TBXA2R: variants seen among roughly 807,000 people sequenced by gnomAD.
TBXA2R encodes the protein thromboxane A2 receptor, also known as prostanoid TP receptor.
Under a neutral mutation model 15.6 loss-of-function variants are expected in TBXA2R, and 15 were observed. That is an observed-to-expected ratio of 0.96 (90% CI 0.64 to 1.48). TBXA2R has a LOEUF of 1.48. Ranked by LOEUF, TBXA2R falls within the 40% of genes most tolerant of loss-of-function variation. The pLI is 0.00. For synonymous variants in TBXA2R, 280 were observed against 241.2 expected (o/e 1.16, Z -1.49); for missense variants, 506 against 491.4 (o/e 1.03, Z -0.28).
At position 3,600,647 on chromosome 19, in the gene TBXA2R, C is replaced by CT. The variant is rs760216170; in HGVS notation, c.-14dup. 1.8e-5 allele frequency: 29 copies of CT among 1,610,924 alleles called. No homozygotes were observed. The highest frequency in any genetic ancestry group is 2.4e-5 in the Non-Finnish European group (28 of 1,179,174). On this transcript the variant is annotated 5_prime_UTR_variant, in exon 2 of 3. Transcript: ENST00000375190. ...CGTTGGGCCACATGGCTCCGGAGCC[C>CT]TGAGGGATCAGTCACCACCCCATCA... is the stretch of plus-strand genomic sequence containing the variant.
intron 2 of TBXA2R, among the ~76,000 whole-genome samples, chr19:3,596,210 G>A (rs903947073): frequency 5.9e-5 from 9 of 151,900 alleles, no homozygotes; most frequent in Non-Finnish European, 8.8e-5. Flanking sequence ...TGTATTTTTC[G>A]TAGAGATGGG....
intron 1 of TBXA2R, among the ~76,000 whole-genome samples, chr19:3,604,766 C>T (rs1337132558): frequency 6.6e-6 from 1 of 152,218 alleles, no homozygotes; most frequent in Non-Finnish European, 1.5e-5. Flanking sequence ...CTCTGCAGGG[C>T]TCCTGGCTGT....
chr19:3,595,098 GC>G lies in TBXA2R; in HGVS notation c.*589del. ...CCGTCTAAAAAAAAAAAAAAAAATG[GC>G]CAGGTGTGGTGGTTCATGCCTGTGA... is the stretch of plus-strand genomic sequence containing the variant. On this transcript the variant is annotated 3_prime_UTR_variant, in exon 3 of 3. Transcript: ENST00000375190. 2.9e-6 allele frequency: 2 copies of G among 695,324 alleles called. No individual in the cohort carries two copies. The highest frequency in any genetic ancestry group is 4.7e-6 in the Non-Finnish European group (2 of 424,170). The allele number at this position is 695,324 out of a possible 1,614,324, so 43.1% of individuals were successfully genotyped here. A position where few individuals can be genotyped will look rare whatever the true frequency, so the allele number is the denominator to read the frequency against.
intron 2 of TBXA2R, among the ~76,000 whole-genome samples, chr19:3,598,346 TTTTC>T (rs1179938394): frequency 2.2e-4 from 22 of 98,740 alleles, no homozygotes; most frequent in South Asian, 1.3e-3. Flanking sequence ...CTTTCTTTTC[TTTTC>T]TTTTTTTTTT....
intron 1 of TBXA2R, among the ~76,000 whole-genome samples, chr19:3,606,126 CA>C (rs1484735649): frequency 6.6e-6 from 1 of 152,220 alleles, no homozygotes; most frequent in African/African-American, 2.4e-5. Flanking sequence ...CACAGACACA[CA>C]ACCAGGGCCA....
intron 2 of TBXA2R, chr19:3,597,776 CA>C: frequency 6.6e-6 from 1 of 151,786 alleles, no homozygotes; most frequent in Non-Finnish European, 1.5e-5. Flanking sequence ...ACTAAAAATA[CA>C]AAAAAAATTA....
Position 3,600,280 on chromosome 19 carries a change from G to C in TBXA2R, c.355C>G (p.Pro119Ala). 6.2e-7 allele frequency: 1 copy of C among 1,612,654 alleles called. No individual in the cohort carries two copies. The change falls in exon 2 of 3, where the codon CCG becomes GCG. Residue 119 changes from proline (P) to alanine (A), a missense_variant. Coordinates refer to ENST00000375190, the MANE Select transcript of TBXA2R (RefSeq NM_001060.6). Reference protein sequence around the residue: ...GVVMIFFGLSPLLLGAAMASE... With the variant: ...GVVMIFFGLSALLLGAAMASE... ...GCCATGGCGGCCCCCAGCAGCAGCGGGGACAGGCCGAAGAAGATCATGACG... is the reference window on the plus strand; with the variant it reads ...GCCATGGCGGCCCCCAGCAGCAGCGCGGACAGGCCGAAGAAGATCATGACG...
At position 3,595,556 on chromosome 19, in the gene TBXA2R, C is replaced by A. The variant is rs918606550; in HGVS notation, c.*132G>T. 1.4e-6 allele frequency: 2 copies of A among 1,446,372 alleles called. No homozygotes were observed. Among genetic ancestry groups the A allele is most frequent in the Non-Finnish European group, 1.8e-6 (2 of 1,101,966 alleles). The allele number at this position is 1,446,372 out of a possible 1,614,324, so 89.6% of individuals were successfully genotyped here. On this transcript the variant is annotated 3_prime_UTR_variant, in exon 3 of 3. Coordinates refer to ENST00000375190, the MANE Select transcript of TBXA2R (RefSeq NM_001060.6). ...GTCCCCGGGTTGGATTGGGGTCAACCCAAAACCCTGCTGCTGATGCCCACT... is the reference window on the plus strand; with the variant it reads ...GTCCCCGGGTTGGATTGGGGTCAACACAAAACCCTGCTGCTGATGCCCACT...
rs1312179062 is a variant in TBXA2R at position 3,594,950 on chromosome 19, T to C, written c.*738A>G. 2 of 1,535,552 alleles carry C rather than the reference T, an allele frequency of 1.3e-6. No homozygotes were observed. Among genetic ancestry groups the C allele is most frequent in the African/African-American group, 2.7e-5 (2 of 73,022 alleles). ...GCATGCAAGGCCGGGCGCAGTGGCT[T>C]ACGCCTGTAATCCCAGCTGCTCGGG... On this transcript the variant is annotated 3_prime_UTR_variant, in exon 3 of 3. Transcript: ENST00000375190.
At position 3,600,010 on chromosome 19, in the gene TBXA2R, C is replaced by G; in HGVS notation, c.625G>C (p.Gly209Arg). Reference sequence around the variant, plus strand: ...ACCGTGTTCAGCAGGAAGGACAGCCCGACCGAGAGGCCGCCCAGCATGGAG... The same window carrying G: ...ACCGTGTTCAGCAGGAAGGACAGCCGGACCGAGAGGCCGCCCAGCATGGAG... ...LFSMLGGLSV[G>R]LSFLLNTVSV... is the part of the protein sequence containing the mutation. Residue 209 changes from glycine (G) to arginine (R), a missense_variant, in exon 2 of 3, where the codon GGG (glycine) becomes CGG (arginine). Physicochemically the swap from Gly to Arg is moderately radical, Grantham distance 125. Transcript: ENST00000375190. 1 of 1,611,210 alleles carries G rather than the reference C, an allele frequency of 6.2e-7. No individual in the cohort carries two copies. Among genetic ancestry groups the G allele is most frequent in the Non-Finnish European group, 8.5e-7 (1 of 1,179,092 alleles).
rs61731124 is a variant in TBXA2R, at chr19:3,595,863, G to A, written c.857C>T (p.Thr286Met). The change falls in exon 3 of 3, where the codon ACG becomes ATG. Residue 286 changes from threonine to methionine, a missense_variant. Physicochemically the swap from Thr to Met is moderately conservative, Grantham distance 81. Transcript: ENST00000375190. ...MSPAGQLSRT[T>M]EKELLIYLRV... The stretch of plus-strand genomic sequence containing the variant: ...CAAGTAGATGAGCAGCTCCTTCTCC[G>A]TGGTGCGGGACAGCTGCCCGGCGGG... The A allele has an allele frequency of 2.9e-5, 47 of 1,610,262 alleles. No homozygotes were observed. The African/African-American group carries it at 3.9e-4, about 13-fold the overall frequency.
Position 3,595,023 on chromosome 19 carries a change from T to C in TBXA2R, c.*665A>G. ...TGAACCCGGGAGGCGGAGGTTGCAG[T>C]GAGCCGAGATCGTGCCACTGTACTC... On this transcript the variant is annotated 3_prime_UTR_variant, in exon 3 of 3. Transcript: ENST00000375190. 7.6e-7 allele frequency: 1 copy of C among 1,311,024 alleles called. No homozygotes were observed. The highest frequency in any genetic ancestry group is 1.0e-6 in the Non-Finnish European group (1 of 953,482). 81.2% of individuals were successfully genotyped at this position (1,311,024 alleles called of 1,614,324 possible).
chr19:3,605,791 C>G (rs1366406157), intron 1 of TBXA2R, among the ~76,000 whole-genome samples: 2 of 148,348 alleles, frequency 1.3e-5, no homozygotes, highest in East Asian at 3.9e-4. Context: ...CACAGACACA[C>G]ACAAGCAGAA....
Position 3,599,945 on chromosome 19 carries a change from C to T in TBXA2R, c.690G>A (p.Glu230=), listed in dbSNP as rs1279922285. Residue 230 remains glutamate (E), a synonymous_variant, in exon 2 of 3, where the codon GAG becomes GAA. Coordinates refer to ENST00000375190, the MANE Select transcript of TBXA2R (RefSeq NM_001060.6). ...AGTCCCGGGGACGCTGCTGGGCCGCCTCCTGCCCGTGGTAGACGTGGCACA... is the reference window on the plus strand; with the variant it reads ...AGTCCCGGGGACGCTGCTGGGCCGCTTCCTGCCCGTGGTAGACGTGGCACA... ...ATLCHVYHGQ[E]AAQQRPRDSE... 1.9e-6 allele frequency: 3 copies of T among 1,563,970 alleles called. No individual in the cohort carries two copies. The highest frequency in any genetic ancestry group is 1.2e-5 in the South Asian group (1 of 85,408).
In TBXA2R at chr19:3,599,780, C is replaced by A. The variant is rs550500581; in HGVS notation, c.786+69G>T. On this transcript the variant is annotated intron_variant, in intron 2 of 2. Transcript: ENST00000375190. ...CCGCGCCCGGTCCCACCATCAGGAT[C>A]TAAATCCACCCTGGGTGACCAGAGG... is the stretch of plus-strand genomic sequence containing the variant. The A allele has an allele frequency of 1.6e-4, 245 of 1,546,602 alleles. 1 individual carries two copies. In the African/African-American group the frequency reaches 2.9e-3, roughly 18 times the overall value.
chr19:3,595,493 G>C lies in TBXA2R; in HGVS notation c.*195C>G. 7.0e-7 allele frequency: 1 copy of C among 1,427,160 alleles called. No homozygotes were observed. The allele number at this position is 1,427,160 out of a possible 1,614,324, so 88.4% of individuals were successfully genotyped here. A position where few individuals can be genotyped will look rare whatever the true frequency, so the allele number is the denominator to read the frequency against. ...GGATGGGAAAAAGGGGCCGAGGAAG[G>C]GAGAGTGCTTGGTAAAAGGATCAGG... On this transcript the variant is annotated 3_prime_UTR_variant, in exon 3 of 3. Transcript: ENST00000375190.
rs199660119 is a variant in TBXA2R at position 3,595,868 on chromosome 19, G to A, written c.852C>T (p.Arg284=). 7 of 1,610,100 alleles carry A rather than the reference G, an allele frequency of 4.3e-6. No individual in the cohort carries two copies. In the South Asian group the frequency reaches 5.5e-5, roughly 13 times the overall value. Residue 284 remains arginine, a synonymous_variant, in exon 3 of 3, where the codon CGC becomes CGT. Coordinates refer to ENST00000375190, the MANE Select transcript of TBXA2R (RefSeq NM_001060.6). ...PAMSPAGQLS[R]TTEKELLIYL... ...AGATGAGCAGCTCCTTCTCCGTGGT[G>A]CGGGACAGCTGCCCGGCGGGGCTCA...
intron 2 of TBXA2R, among the ~76,000 whole-genome samples, chr19:3,597,390 T>A (rs1194837628): frequency 2.0e-5 from 3 of 149,302 alleles, no homozygotes; most frequent in African/African-American, 7.4e-5. Flanking sequence ...TACAATTATA[T>A]TATAATTAAA....
At chr19:3,596,620 A>AAAAT (rs2032608632) in intron 2 of TBXA2R, among the ~76,000 whole-genome samples, 1 of 146,858 alleles carries the variant, frequency 6.8e-6, no homozygotes, top group East Asian at 1.9e-4. Context: ...ATCCTGTCTC[A>AAAAT]AAATAAATAA....
Sources: allele counts gnomAD v4.1 joint callset (sites outside exome capture counted in the v4.1 genomes callset), GRCh38; gene constraint gnomAD v4.1.1; transcripts MANE v1.5; gene names NCBI Gene and HGNC (gene_info 2026-07-23, HGNC 2026-07-21).